Variants in SPAG16 observed in about 807,000 individuals in gnomAD.
SPAG16 encodes the protein sperm-associated antigen 16 protein.
Under a neutral mutation model 80.4 loss-of-function variants are expected in SPAG16, and 86 were observed. The observed-to-expected ratio is 1.07, with a 90% CI of 0.90 to 1.28. The LOEUF is 1.28. SPAG16 is among the 50% of genes most tolerant of loss of function. The pLI is 0.00. For synonymous variants in SPAG16, 294 were observed against 265.9 expected (o/e 1.11, Z -1.03); for missense variants, 870 against 765.3 (o/e 1.14, Z -1.61).
chr2:214,262,203 A>G (rs1368812150), intron 15 of SPAG16, among the ~76,000 whole-genome samples: 1 of 152,142 alleles, frequency 6.6e-6, no homozygotes, highest in Non-Finnish European at 1.5e-5. Flanking sequence ...AAAAACATTT[A>G]TCAAACTGCT....
intron 8 of SPAG16, among the ~76,000 whole-genome samples, chr2:213,369,418 G>A (rs1355332436): frequency 1.3e-5 from 2 of 152,094 alleles, no homozygotes; most frequent in African/African-American, 2.4e-5. Flanking sequence ...TAAAATAAAG[G>A]AAAATAAATT....
At chr2:213,291,604 T>C (rs1174996688) in intron 1 of SPAG16, among the ~76,000 whole-genome samples, 1 of 152,246 alleles carries the variant, frequency 6.6e-6, no homozygotes, top group Non-Finnish European at 1.5e-5. Context: ...GAGCTATTTA[T>C]GTGATTTGAT....
At chr2:213,891,617 T>C (rs2076788063) in intron 11 of SPAG16, among the ~76,000 whole-genome samples, 1 of 152,158 alleles carries the variant, frequency 6.6e-6, no homozygotes, top group Non-Finnish European at 1.5e-5. Flanking sequence ...AATTGTGATG[T>C]AGATGGAACC....
chr2:213,726,353 C>A (rs897538417), intron 10 of SPAG16, among the ~76,000 whole-genome samples: 7 of 152,348 alleles, frequency 4.6e-5, no homozygotes, highest in Non-Finnish European at 7.3e-5. Flanking sequence ...TCCTACCCTT[C>A]ATTAGGTACC....
chr2:213,495,276 T>C (rs1275149684), intron 10 of SPAG16, among the ~76,000 whole-genome samples: 6 of 152,146 alleles, frequency 3.9e-5, no homozygotes, highest in Non-Finnish European at 8.8e-5. Context: ...AGACTTCCAG[T>C]GGGATTCACT....
intron 10 of SPAG16, among the ~76,000 whole-genome samples, chr2:213,834,562 A>T (rs1012216858): frequency 6.6e-6 from 1 of 152,268 alleles, no homozygotes; most frequent in Non-Finnish European, 1.5e-5. Flanking sequence ...TTCAGGACAG[A>T]TGAGTAAGAG....
chr2:213,374,620 TACA>T (rs542562467), intron 8 of SPAG16, among the ~76,000 whole-genome samples: 2,707 of 151,578 alleles, frequency 0.018, 70 homozygotes, highest in African/African-American at 0.051. Context: ...ATTTTATTAA[TACA>T]ATATTCTTTT....
At chr2:214,025,138 T>TA (rs1325312122) in intron 13 of SPAG16, among the ~76,000 whole-genome samples, 1 of 151,676 alleles carries the variant, frequency 6.6e-6, no homozygotes, top group East Asian at 1.9e-4. Flanking sequence ...AAGGGTCAGT[T>TA]ACGTTTTTCT....
chr2:213,742,136 AT>A (rs11381205), intron 10 of SPAG16, among the ~76,000 whole-genome samples: 1 of 148,324 alleles, frequency 6.7e-6, no homozygotes, highest in Non-Finnish European at 1.5e-5. Flanking sequence ...TGTGTTTAGT[AT>A]TTTTTTTTTA....
chr2:213,448,784 A>T (rs2071505369), intron 9 of SPAG16, among the ~76,000 whole-genome samples: 1 of 152,176 alleles, frequency 6.6e-6, no homozygotes, highest in Non-Finnish European at 1.5e-5. Flanking sequence ...TAAGCTGAGG[A>T]TGTACATCAC....
intron 9 of SPAG16, among the ~76,000 whole-genome samples, chr2:213,484,524 G>A (rs1236759925): frequency 6.6e-6 from 1 of 152,150 alleles, no homozygotes; most frequent in Non-Finnish European, 1.5e-5. Flanking sequence ...GGGCACAGAA[G>A]CCTAAGCAAA....
At chr2:213,554,224 C>T (rs2059353645) in intron 10 of SPAG16, among the ~76,000 whole-genome samples, 1 of 152,218 alleles carries the variant, frequency 6.6e-6, no homozygotes, top group African/African-American at 2.4e-5. Context: ...TGGACATATA[C>T]AGTGTTGGTT....
chr2:213,608,047 C>T (rs889569580), intron 10 of SPAG16, among the ~76,000 whole-genome samples: 1 of 152,076 alleles, frequency 6.6e-6, no homozygotes, highest in African/African-American at 2.4e-5. Flanking sequence ...ATTCTTGAGA[C>T]AACAGGTTCA....
intron 10 of SPAG16, among the ~76,000 whole-genome samples, chr2:213,834,868 G>A (rs560081988): frequency 1.8e-4 from 27 of 152,248 alleles, no homozygotes; most frequent in Non-Finnish European, 3.7e-4. Flanking sequence ...CCCTTTCAGA[G>A]GAAGAAGGAC....
intron 15 of SPAG16, among the ~76,000 whole-genome samples, chr2:214,154,199 T>C (rs937585353): frequency 6.6e-6 from 1 of 152,164 alleles, no homozygotes; most frequent in Non-Finnish European, 1.5e-5. Context: ...CCATGAGAAT[T>C]TATATACATA....
At chr2:213,573,233 G>C (rs889734647) in intron 10 of SPAG16, among the ~76,000 whole-genome samples, 1 of 151,962 alleles carries the variant, frequency 6.6e-6, no homozygotes. Context: ...GACCGGAGCT[G>C]TTCCTATTCG....
chr2:214,250,916 T>A (rs1019329572), intron 15 of SPAG16, among the ~76,000 whole-genome samples: 1 of 151,210 alleles, frequency 6.6e-6, no homozygotes, highest in African/African-American at 2.4e-5. Context: ...TTCCACTTTA[T>A]AATGTCAGAA....
At chr2:213,700,737 TAATC>T (rs1276492861) in intron 10 of SPAG16, among the ~76,000 whole-genome samples, 1 of 152,268 alleles carries the variant, frequency 6.6e-6, no homozygotes, top group African/African-American at 2.4e-5. Flanking sequence ...AGAATTCAAT[TAATC>T]TATACAAAGG....
intron 12 of SPAG16, among the ~76,000 whole-genome samples, chr2:213,991,859 G>GTTTA (rs35598286): frequency 0.39 from 56,542 of 144,624 alleles, 12,869 homozygotes; most frequent in Middle Eastern, 0.49. Flanking sequence ...ACAATTGAGA[G>GTTTA]TTTATTTATT....
Sources: gnomAD v4.1 joint callset for allele counts (sites outside exome capture counted in the v4.1 genomes callset) on GRCh38, gnomAD v4.1.1 for gene constraint, MANE v1.5 for transcripts, NCBI Gene and HGNC (gene_info 2026-07-23, HGNC 2026-07-21) for gene names.